The following CDH19 variants were observed in gnomAD, a reference collection of about 807,000 sequenced individuals.
CDH19 encodes cadherin-19.
CDH19 carries 67 observed loss-of-function variants against 64.2 expected under a neutral mutation model. The ratio of observed to expected loss-of-function variants is 1.04; its 90% CI spans 0.86 to 1.28. CDH19 has a LOEUF of 1.28. Among genes scored for constraint, CDH19 ranks in the 50% most tolerant of loss-of-function variants. CDH19 has a pLI of 0.00. For synonymous variants in CDH19, 346 were observed against 319.3 expected (o/e 1.08, Z -0.89); for missense variants, 1,030 against 929.0 (o/e 1.11, Z -1.41).
At chr18:66,519,226 GA>G (rs1382048503) in intron 9 of CDH19, among the ~76,000 whole-genome samples, 4 of 152,108 alleles carry the variant, frequency 2.6e-5, no homozygotes, top group Non-Finnish European at 4.4e-5. Context: ...AATCTCTTTA[GA>G]AGACAATGAA....
At chr18:66,603,578 A>T (rs1989089646) in intron 1 of CDH19, among the ~76,000 whole-genome samples, 1 of 151,956 alleles carries the variant, frequency 6.6e-6, no homozygotes, top group Admixed American at 6.6e-5. Context: ...TAAATACATG[A>T]TAAATAAAAA....
chr18:66,557,255 A>T (rs781141304), intron 3 of CDH19, among the ~76,000 whole-genome samples: 2 of 151,900 alleles, frequency 1.3e-5, no homozygotes, highest in Non-Finnish European at 2.9e-5. Flanking sequence ...CCTACTGTAC[A>T]CCTGTTCTCT....
rs528772211 is a variant in CDH19 at position 66,527,547 on chromosome 18, G to C, written c.1458+2298C>G. On this transcript the variant is annotated intron_variant, in intron 9 of 11. Coordinates refer to ENST00000262150, the MANE Select transcript of CDH19 (RefSeq NM_021153.4). ...GCAGATCACGAGGTCAGGAGTTTGA[G>C]AGCAGCCTGCCCAACATGGCAAAAA... 1.4e-4 allele frequency among the ~76,000 whole-genome samples: 22 copies of C among 152,158 alleles called. 1 individual carries two copies. The South Asian group carries it at 4.4e-3, about 30-fold the overall frequency.
At chr18:66,535,441 G>A (rs888002858) in intron 7 of CDH19, among the ~76,000 whole-genome samples, 4 of 151,038 alleles carry the variant, frequency 2.6e-5, no homozygotes, top group Admixed American at 6.6e-5. Context: ...TGTTGCTTGC[G>A]AATCTGTTCA....
chr18:66,554,527 A>G lies in CDH19; in HGVS notation c.491-3T>C. 6.2e-7 allele frequency: 1 copy of G among 1,609,216 alleles called. No homozygotes were observed. On this transcript the variant is annotated splice_polypyrimidine_tract_variant and splice_region_variant and intron_variant, in intron 3 of 11. Transcript: ENST00000262150. Reference sequence around the variant, plus strand: ...TGTCACCTGGATAACTAATGTTCCTAAAGAGAACATAATACAGGAAATTAA... The same window carrying G: ...TGTCACCTGGATAACTAATGTTCCTGAAGAGAACATAATACAGGAAATTAA...
intron 5 of CDH19, among the ~76,000 whole-genome samples, chr18:66,550,466 G>A (rs1335272091): frequency 6.6e-6 from 1 of 152,128 alleles, no homozygotes; most frequent in Non-Finnish European, 1.5e-5. Flanking sequence ...TGGCAAAAGA[G>A]AATTAAGTTT....
chr18:66,588,605 C>CATATATATATAT (rs1263242803), intron 1 of CDH19, among the ~76,000 whole-genome samples: 1,654 of 115,804 alleles, frequency 0.014, 231 homozygotes, highest in Non-Finnish European at 0.025. Flanking sequence ...TTTTACTAAT[C>CATATATATATAT]ATATATATCT....
Position 66,590,561 on chromosome 18 carries a change from T to C in CDH19, c.-113+13393A>G, listed in dbSNP as rs77265429. On this transcript the variant is annotated intron_variant, in intron 1 of 11. Transcript: ENST00000262150. The stretch of plus-strand genomic sequence containing the variant: ...AAAAGAAAATGCATGTAGAAGTTGG[T>C]TAACACTTATTTATAGAACAGTGTT... Among the ~76,000 whole-genome samples, 1,443 of 151,858 alleles carry C rather than the reference T, an allele frequency of 9.5e-3. 26 individuals are homozygous for C. Among genetic ancestry groups the C allele is most frequent in the African/African-American group, 0.032 (1,345 of 41,488 alleles).
At chr18:66,525,668 A>G (rs925389333) in intron 9 of CDH19, among the ~76,000 whole-genome samples, 1 of 152,152 alleles carries the variant, frequency 6.6e-6, no homozygotes, top group Non-Finnish European at 1.5e-5. Context: ...TATCTACTAT[A>G]ATGTTATATA....
intron 8 of CDH19, among the ~76,000 whole-genome samples, chr18:66,534,080 A>G (rs1325927584): frequency 6.6e-6 from 1 of 151,730 alleles, no homozygotes; most frequent in East Asian, 1.9e-4. Flanking sequence ...TTGTTCCAAC[A>G]AGTTTTTCCT....
At chr18:66,521,001 C>G (rs1985958672) in intron 9 of CDH19, among the ~76,000 whole-genome samples, 1 of 151,844 alleles carries the variant, frequency 6.6e-6, no homozygotes, top group African/African-American at 2.4e-5. Flanking sequence ...TCCCAAAACA[C>G]CCTTTACTTT....
intron 1 of CDH19, among the ~76,000 whole-genome samples, chr18:66,601,120 C>A (rs1451148860): frequency 6.6e-6 from 1 of 151,740 alleles, no homozygotes; most frequent in Admixed American, 6.6e-5. Context: ...TATTATTATT[C>A]TAGTTACATT....
chr18:66,570,930 T>C (rs116623513), intron 2 of CDH19, among the ~76,000 whole-genome samples: 201 of 151,696 alleles, frequency 1.3e-3, no homozygotes, highest in African/African-American at 4.6e-3. Context: ...TGGGAGAGTA[T>C]ATGGTGTTCT....
chr18:66,506,522 T>C (rs1290563354), intron 11 of CDH19, among the ~76,000 whole-genome samples: 2 of 152,032 alleles, frequency 1.3e-5, no homozygotes, highest in East Asian at 3.9e-4. Context: ...TGACACCACA[T>C]AAATTTCAGA....
chr18:66,516,055 T>C (rs1001691086), intron 9 of CDH19, among the ~76,000 whole-genome samples: 8 of 151,878 alleles, frequency 5.3e-5, no homozygotes, highest in Non-Finnish European at 1.0e-4. Context: ...TACTTAAATA[T>C]TGGGGGGTCA....
At chr18:66,506,689 G>A (rs537581731) in intron 11 of CDH19, among the ~76,000 whole-genome samples, 2 of 151,966 alleles carry the variant, frequency 1.3e-5, no homozygotes, top group African/African-American at 4.8e-5. Context: ...GTGTGTGTGT[G>A]TGTCTTTGCG....
At chr18:66,544,264 G>C in intron 6 of CDH19, 40 bp from the exon 7 acceptor site, 2 of 1,575,988 alleles carry the variant, frequency 1.3e-6, no homozygotes, top group Non-Finnish European at 1.7e-6. Context: ...AATGGCTTTA[G>C]TAACCCAAGA....
At chr18:66,517,639 G>C (rs540965293) in intron 9 of CDH19, among the ~76,000 whole-genome samples, 92 of 151,898 alleles carry the variant, frequency 6.1e-4, no homozygotes, top group African/African-American at 2.1e-3. Flanking sequence ...TATTTTCTAT[G>C]ATCAATTTAT....
chr18:66,562,104 G>T (rs951694779), intron 3 of CDH19, among the ~76,000 whole-genome samples: 2 of 151,944 alleles, frequency 1.3e-5, no homozygotes, highest in African/African-American at 4.8e-5. Flanking sequence ...CAGTTTCGTG[G>T]AAGACAATTT....
Sources: gnomAD v4.1 joint callset for allele counts (sites outside exome capture counted in the v4.1 genomes callset) on GRCh38, gnomAD v4.1.1 for gene constraint, MANE v1.5 for transcripts, NCBI Gene and HGNC (gene_info 2026-07-23, HGNC 2026-07-21) for gene names.